The following GUCY1A2 variants were observed in gnomAD, a reference collection of about 807,000 sequenced individuals.
GUCY1A2 encodes the protein guanylate cyclase soluble subunit alpha-2.
A neutral mutation model predicts 63.5 loss-of-function variants in GUCY1A2; 27 were observed. The observed-to-expected ratio is 0.43, with a 90% CI of 0.31 to 0.59. The LOEUF (loss-of-function observed/expected upper bound fraction) is 0.59. Among genes scored for constraint, GUCY1A2 ranks in the 20% least tolerant of loss-of-function variants. The pLI, the probability that GUCY1A2 is intolerant of heterozygous loss-of-function variation, is 0.11. For synonymous variants in GUCY1A2, 364 were observed against 343.5 expected (o/e 1.06, Z -0.66); for missense variants, 768 against 913.3 (o/e 0.84, Z 2.05).
intron 6 of GUCY1A2, among the ~76,000 whole-genome samples, chr11:106,709,239 C>T (rs1476638211): frequency 1.9e-5 from 2 of 103,772 alleles, no homozygotes; most frequent in East Asian, 5.1e-4. Context: ...TAATTGTATA[C>T]TATATTGTAT....
intron 6 of GUCY1A2, among the ~76,000 whole-genome samples, chr11:106,710,690 A>G (rs570109709): frequency 6.6e-6 from 1 of 152,062 alleles, no homozygotes; most frequent in South Asian, 2.1e-4. Flanking sequence ...TACAGTTGTT[A>G]TATAATTAAA....
At chr11:106,742,432 A>G (rs1313845321) in intron 6 of GUCY1A2, among the ~76,000 whole-genome samples, 1 of 152,122 alleles carries the variant, frequency 6.6e-6, no homozygotes, top group Non-Finnish European at 1.5e-5. Context: ...GAGTGAGAAT[A>G]TGTGGTATTT....
intron 6 of GUCY1A2, among the ~76,000 whole-genome samples, chr11:106,762,935 G>A (rs1026034683): frequency 1.3e-5 from 2 of 152,038 alleles, no homozygotes; most frequent in Non-Finnish European, 2.9e-5. Flanking sequence ...ATTCTGTGCA[G>A]TTGTAGGCAT....
At chr11:106,921,838 C>A (rs1293601637) in intron 4 of GUCY1A2, among the ~76,000 whole-genome samples, 1 of 152,116 alleles carries the variant, frequency 6.6e-6, no homozygotes, top group Non-Finnish European at 1.5e-5. Flanking sequence ...TGAGTGAAAG[C>A]CCATTAACAA....
At chr11:106,745,996 G>T (rs891121324) in intron 6 of GUCY1A2, among the ~76,000 whole-genome samples, 3 of 152,074 alleles carry the variant, frequency 2.0e-5, no homozygotes, top group Admixed American at 2.0e-4. Context: ...AACAAATGGC[G>T]AATTTCCATC....
At chr11:106,706,300 T>C (rs1862909371) in intron 7 of GUCY1A2, among the ~76,000 whole-genome samples, 1 of 152,186 alleles carries the variant, frequency 6.6e-6, no homozygotes, top group African/African-American at 2.4e-5. Flanking sequence ...TCATAAATTA[T>C]ATTTGTTCTA....
At chr11:106,998,559 C>T (rs1177687297) in intron 1 of GUCY1A2, among the ~76,000 whole-genome samples, 2 of 152,086 alleles carry the variant, frequency 1.3e-5, no homozygotes, top group Non-Finnish European at 2.9e-5. Context: ...TACTATTTTC[C>T]AGCTTCTAAA....
intron 1 of GUCY1A2, among the ~76,000 whole-genome samples, chr11:107,005,693 G>T (rs1369220563): frequency 1.3e-5 from 2 of 152,174 alleles, no homozygotes; most frequent in African/African-American, 4.8e-5. Context: ...AATGCTGTCT[G>T]AATTAATGAA....
intron 5 of GUCY1A2, among the ~76,000 whole-genome samples, chr11:106,780,621 T>C (rs1186185632): frequency 4.6e-5 from 7 of 152,216 alleles, no homozygotes; most frequent in African/African-American, 1.7e-4. Flanking sequence ...ATATATCTTC[T>C]TTTCATGATT....
chr11:106,893,180 A>T (rs1275284852), intron 4 of GUCY1A2, among the ~76,000 whole-genome samples: 1 of 152,174 alleles, frequency 6.6e-6, no homozygotes, highest in Non-Finnish European at 1.5e-5. Flanking sequence ...AGATCATCCT[A>T]AACATCTCCT....
intron 4 of GUCY1A2, among the ~76,000 whole-genome samples, chr11:106,849,990 A>T (rs1334806867): frequency 6.6e-6 from 1 of 151,740 alleles, no homozygotes; most frequent in African/African-American, 2.4e-5. Context: ...CCCTTTTAGA[A>T]TAGTTTCATC....
intron 2 of GUCY1A2, among the ~76,000 whole-genome samples, chr11:106,979,879 C>A (rs1861312267): frequency 6.6e-6 from 1 of 151,962 alleles, no homozygotes. Context: ...AAAATAAAAT[C>A]TTCAGAAGAG....
chr11:106,991,971 TCA>T (rs929786278), intron 1 of GUCY1A2, among the ~76,000 whole-genome samples: 4 of 152,332 alleles, frequency 2.6e-5, no homozygotes, highest in East Asian at 1.9e-4. Flanking sequence ...TTATTATTTT[TCA>T]CAGTTTATGA....
chr11:106,750,881 T>C (rs1863871608), intron 6 of GUCY1A2, among the ~76,000 whole-genome samples: 1 of 152,020 alleles, frequency 6.6e-6, no homozygotes, highest in African/African-American at 2.4e-5. Context: ...ACACACTTGA[T>C]GGATCCTACT....
At chr11:106,948,804 T>C (rs1860864816) in intron 3 of GUCY1A2, among the ~76,000 whole-genome samples, 1 of 152,198 alleles carries the variant, frequency 6.6e-6, no homozygotes, top group African/African-American at 2.4e-5. Context: ...GGGAAAAGAA[T>C]GGTTTACTTA....
At position 106,687,423 on chromosome 11, in the gene GUCY1A2, A is replaced by T; in HGVS notation, c.*126T>A. On this transcript the variant is annotated 3_prime_UTR_variant, in exon 8 of 8. Coordinates refer to ENST00000526355, the MANE Select transcript of GUCY1A2 (RefSeq NM_000855.3). ...TTTAGTAGGATTATTGCCTGACATAATACAGAAATTTTGCTGCTTGTTCTC... is the reference window on the plus strand; with the variant it reads ...TTTAGTAGGATTATTGCCTGACATATTACAGAAATTTTGCTGCTTGTTCTC... The T allele has an allele frequency of 1.4e-6, 1 of 726,628 alleles. No homozygotes were observed. The highest frequency in any genetic ancestry group is 2.2e-5 in the Admixed American group (1 of 44,772). 45.0% of individuals were successfully genotyped at this position (726,628 alleles called of 1,614,324 possible).
At position 106,708,582 on chromosome 11, in the gene GUCY1A2, C is replaced by A. The variant is rs1184378677; in HGVS notation, c.1921G>T (p.Val641Phe). 1 of 1,613,052 alleles carries A rather than the reference C, an allele frequency of 6.2e-7. No homozygotes were observed. ...GACTCGAATTTGCTTGCCAGTGTGA[C>A]ATTATTTCCAAACAGGCAATAACGT... Reference protein sequence around the residue: ...MPRYCLFGNNVTLASKFESGS... With the variant: ...MPRYCLFGNNFTLASKFESGS... The change falls in exon 7 of 8, where the codon GTC (valine) becomes TTC (phenylalanine). Residue 641 changes from valine to phenylalanine, a missense_variant. Physicochemically the swap from Val to Phe is conservative, Grantham distance 50 (BLOSUM62 -1). Transcript: ENST00000526355.
At chr11:106,900,332 A>T (rs1860113963) in intron 4 of GUCY1A2, among the ~76,000 whole-genome samples, 1 of 152,024 alleles carries the variant, frequency 6.6e-6, no homozygotes, top group Non-Finnish European at 1.5e-5. Flanking sequence ...TACAGCTGCA[A>T]GCCCCCACAC....
intron 6 of GUCY1A2, among the ~76,000 whole-genome samples, chr11:106,723,918 A>C (rs543880384): frequency 4.4e-4 from 67 of 151,800 alleles, no homozygotes; most frequent in Non-Finnish European, 7.2e-4. Flanking sequence ...TTTGAAATGT[A>C]TTGTTTTCTT....
Sources: gnomAD v4.1 joint callset for allele counts (sites outside exome capture counted in the v4.1 genomes callset) on GRCh38, gnomAD v4.1.1 for gene constraint, MANE v1.5 for transcripts, NCBI Gene and HGNC (gene_info 2026-07-23, HGNC 2026-07-21) for gene names.